Variants in SDK2 observed in about 807,000 individuals in gnomAD.
The protein encoded by SDK2 is protein sidekick-2.
A neutral mutation model predicts 253.9 loss-of-function variants in SDK2; 105 were observed. The ratio of observed to expected loss-of-function variants is 0.41; its 90% CI spans 0.35 to 0.49. The LOEUF (loss-of-function observed/expected upper bound fraction) is 0.49. SDK2 is among the 20% of genes least tolerant of loss of function. SDK2 has a pLI of 0.06. For missense variants in SDK2, 2,608 were observed against 3,003.0 expected (o/e 0.87, Z 3.07); for synonymous variants, 1,249 against 1,234.9 (o/e 1.01, Z -0.24).
Position 73,395,377 on chromosome 17 carries a change from C to T in SDK2, c.3370G>A (p.Glu1124Lys). 3 of 1,613,930 alleles carry T rather than the reference C, an allele frequency of 1.9e-6. No homozygotes were observed. The highest frequency in any genetic ancestry group is 2.5e-6 in the Non-Finnish European group (3 of 1,179,870). The change falls in exon 25 of 45, where the codon GAA becomes AAA. Residue 1124 changes from glutamate to lysine, a missense_variant. By Grantham distance (56) the Glu-to-Lys change is moderately conservative. Around this residue, in one of 2 missense-constraint regions of SDK2, gnomAD observed 1,505 missense variants for 1,859.1 expected, o/e 0.81. Transcript: ENST00000392650. The surrounding 1 kb of genome is among the most constrained non-coding windows in gnomAD (Gnocchi z 4.3). ...ACGGACTCAGGGTTCCCATTGTATT[C>T]CATCTCCGGGAGAGGCTGCAGCGGG... The part of the protein sequence containing the change: ...WLRWMPLPEM[E>K]YNGNPESVGY...
In SDK2 at chr17:73,465,626, A is replaced by G. The variant is rs1020643842; in HGVS notation, c.331+6486T>C. On this transcript the variant is annotated intron_variant, in intron 3 of 44. Transcript: ENST00000392650. The surrounding 1 kb of genome is among the most constrained non-coding windows in gnomAD (Gnocchi z 4.2). ...GGCTGGGGAGGGGGGAAGATGTTTT[A>G]TTGACTTCCCCTTAATTGCTGTAAT... is the stretch of plus-strand genomic sequence containing the variant. Among the ~76,000 whole-genome samples, 1 of 152,182 alleles carries G rather than the reference A, an allele frequency of 6.6e-6. No individual in the cohort carries two copies. The highest frequency in any genetic ancestry group is 2.4e-5 in the African/African-American group (1 of 41,448).
At chr17:73,397,905 T>G in intron 24 of SDK2, 130 bp downstream of exon 24, 1 of 1,042,960 alleles carries the variant, frequency 9.6e-7, no homozygotes, top group Non-Finnish European at 1.4e-6. Flanking sequence ...AGATGTTGAT[T>G]ATCAGGCATC....
At chr17:73,556,217 G>A (rs1364842860) in intron 1 of SDK2, among the ~76,000 whole-genome samples, 1 of 152,184 alleles carries the variant, frequency 6.6e-6, no homozygotes, top group Non-Finnish European at 1.5e-5. Flanking sequence ...GGAAGCGGCA[G>A]GTTCTTTCCA....
At chr17:73,492,741 T>C (rs531183388) in intron 2 of SDK2, among the ~76,000 whole-genome samples, 1 of 152,192 alleles carries the variant, frequency 6.6e-6, no homozygotes, top group African/African-American at 2.4e-5. Context: ...CCACTGCAGA[T>C]ATTCCTCTTC....
At chr17:73,436,377 G>A (rs909328020) in intron 8 of SDK2, among the ~76,000 whole-genome samples, 1 of 152,068 alleles carries the variant, frequency 6.6e-6, no homozygotes, top group Non-Finnish European at 1.5e-5. Flanking sequence ...AGGAGTTTGA[G>A]ATCAACCTGA....
At chr17:73,592,314 G>A (rs370918171) in intron 1 of SDK2, among the ~76,000 whole-genome samples, 2 of 152,352 alleles carry the variant, frequency 1.3e-5, no homozygotes, top group African/African-American at 4.8e-5. Flanking sequence ...TGGCTGCATT[G>A]CACCTGCCAG....
chr17:73,538,497 G>C (rs183839831), intron 1 of SDK2, among the ~76,000 whole-genome samples: 6 of 152,328 alleles, frequency 3.9e-5, no homozygotes, highest in African/African-American at 1.4e-4. Flanking sequence ...TTTAAAATGT[G>C]CAAGCATAGC....
chr17:73,541,622 A>G lies in SDK2; in HGVS notation c.65-34025T>C, dbSNP rs1168411703. On this transcript the variant is annotated intron_variant, in intron 1 of 44. Coordinates refer to ENST00000392650, the MANE Select transcript of SDK2 (RefSeq NM_001144952.2). The surrounding 1 kb of genome is among the most constrained non-coding windows in gnomAD (Gnocchi z 4.3). ...CTCCGTCTCTCCCTGCTGGCTCTTC[A>G]TTTCTCGTGGCGTGTTTACCTTCCT... 1.3e-5 allele frequency among the ~76,000 whole-genome samples: 2 copies of G among 150,874 alleles called. No individual in the cohort carries two copies. Among genetic ancestry groups the G allele is most frequent in the Admixed American group, 6.6e-5 (1 of 15,148 alleles).
In SDK2 at chr17:73,372,061, G is replaced by A. The variant is rs75926998; in HGVS notation, c.4981-3468C>T. Reference sequence around the variant, plus strand: ...GGGAGCTATCCACTGGGGAGGTGGAGGAGAGGAAGGGCCAATGGCTGCAGT... The same window carrying A: ...GGGAGCTATCCACTGGGGAGGTGGAAGAGAGGAAGGGCCAATGGCTGCAGT... On this transcript the variant is annotated intron_variant, in intron 36 of 44. Coordinates refer to ENST00000392650, the MANE Select transcript of SDK2 (RefSeq NM_001144952.2). 5.8e-4 allele frequency among the ~76,000 whole-genome samples: 89 copies of A among 152,306 alleles called. No individual in the cohort carries two copies. In the East Asian group the frequency reaches 0.014, roughly 24 times the overall value.
In SDK2 at chr17:73,597,417, C is replaced by A. The variant is rs935084343; in HGVS notation, c.64+46608G>T. ...TGATCTCAGTTCTATAAAGCAGGGG[C>A]CTCTCCTGTGATACTTTGCTTATAG... On this transcript the variant is annotated intron_variant, in intron 1 of 44. Coordinates refer to ENST00000392650, the MANE Select transcript of SDK2 (RefSeq NM_001144952.2). Among the ~76,000 whole-genome samples, 6 of 152,136 alleles carry A rather than the reference C, an allele frequency of 3.9e-5. 1 individual carries two copies. Among genetic ancestry groups the A allele is most frequent in the South Asian group, 4.1e-4 (2 of 4,828 alleles).
intron 44 of SDK2, among the ~76,000 whole-genome samples, chr17:73,342,079 C>T (rs1210922666): frequency 6.6e-6 from 1 of 151,950 alleles, no homozygotes; most frequent in East Asian, 1.9e-4. Context: ...GGAACGAGAG[C>T]TCCCCCCAAA....
At position 73,576,011 on chromosome 17, in the gene SDK2, C is replaced by T. The variant is rs78679736; in HGVS notation, c.64+68014G>A. On this transcript the variant is annotated intron_variant, in intron 1 of 44. Transcript: ENST00000392650. ...TGGGGGATGACTTCAGCAAAAGACA[C>T]GCCTGTGGTGGGATGAGGAAGTTTG... 6.6e-5 allele frequency among the ~76,000 whole-genome samples: 10 copies of T among 152,294 alleles called. No homozygotes were observed. In the South Asian group the frequency reaches 8.3e-4, roughly 13 times the overall value.
intron 31 of SDK2, among the ~76,000 whole-genome samples, 175 bp downstream of exon 31, chr17:73,386,270 T>G (rs1036338642): frequency 2.6e-5 from 4 of 152,174 alleles, no homozygotes; most frequent in Admixed American, 1.3e-4. Flanking sequence ...CCTGAGCCCT[T>G]GGCAAAAGTG....
chr17:73,640,871 C>T (rs868173766), intron 1 of SDK2, among the ~76,000 whole-genome samples: 2 of 152,304 alleles, frequency 1.3e-5, no homozygotes, highest in African/African-American at 4.8e-5. Flanking sequence ...GCAGCTGGCT[C>T]GGCTGCTCCT....
At chr17:73,439,814 G>A (rs572589519) in intron 6 of SDK2, among the ~76,000 whole-genome samples, 1 of 152,328 alleles carries the variant, frequency 6.6e-6, no homozygotes, top group South Asian at 2.1e-4. Context: ...CTGGGGGAGA[G>A]GGGGCAGTGC....
chr17:73,436,770 G>A (rs563871198), intron 8 of SDK2, among the ~76,000 whole-genome samples: 1 of 151,794 alleles, frequency 6.6e-6, no homozygotes, highest in African/African-American at 2.4e-5. Flanking sequence ...TCACGTCTCC[G>A]AGATCAGGAT....
At chr17:73,512,111 G>A (rs567975951) in intron 1 of SDK2, among the ~76,000 whole-genome samples, 35 of 152,298 alleles carry the variant, frequency 2.3e-4, no homozygotes, top group South Asian at 1.0e-3. Flanking sequence ...TTTCTGTGTT[G>A]TGAATGCTCA....
intron 1 of SDK2, among the ~76,000 whole-genome samples, chr17:73,507,961 T>G (rs2145761193): frequency 6.6e-6 from 1 of 152,272 alleles, no homozygotes; most frequent in Middle Eastern, 3.4e-3. Flanking sequence ...GAGGGGCACT[T>G]TCTGTGGCCC....
intron 18 of SDK2, 146 bp from the exon 19 acceptor site, chr17:73,402,287 G>A: frequency 1.2e-6 from 1 of 812,614 alleles, no homozygotes; most frequent in Non-Finnish European, 1.9e-6. Flanking sequence ...GACAGGCAGT[G>A]CAGGGAACCT....
Sources: allele counts gnomAD v4.1 joint callset (sites outside exome capture counted in the v4.1 genomes callset), GRCh38; gene constraint gnomAD v4.1.1; regional missense constraint gnomAD v4.1.1; non-coding constraint Gnocchi (gnomAD v3.1); transcripts MANE v1.5; gene names NCBI Gene and HGNC (gene_info 2026-07-23, HGNC 2026-07-21).